RALYL: variants seen among roughly 807,000 people sequenced by gnomAD.
The protein encoded by RALYL is RNA-binding Raly-like protein.
RALYL carries 29 observed loss-of-function variants against 35.1 expected under a neutral mutation model. The observed-to-expected ratio is 0.83, with a 90% confidence interval of 0.61 to 1.13. The LOEUF is 1.13. Ranked by LOEUF, RALYL falls within the 50% of genes most tolerant of loss-of-function variation. The pLI, the probability that RALYL is intolerant of heterozygous loss-of-function variation, is 0.00. For synonymous variants in RALYL, 120 were observed against 127.6 expected (o/e 0.94, Z 0.40); for missense variants, 359 against 360.4 (o/e 1.00, Z 0.03).
intron 1 of RALYL, among the ~76,000 whole-genome samples, chr8:84,442,132 G>A (rs1007060625): frequency 1.1e-4 from 16 of 151,850 alleles, no homozygotes; most frequent in Non-Finnish European, 2.4e-4. Context: ...AATGCATTTG[G>A]GATGTTTGTT....
At chr8:84,580,795 G>C (rs890349700) in intron 2 of RALYL, among the ~76,000 whole-genome samples, 4 of 152,096 alleles carry the variant, frequency 2.6e-5, no homozygotes, top group Non-Finnish European at 5.9e-5. Context: ...AATTGTATTA[G>C]TGTAAAATCA....
intron 1 of RALYL, among the ~76,000 whole-genome samples, chr8:84,443,345 A>T (rs1383034770): frequency 2.0e-5 from 3 of 152,044 alleles, no homozygotes; most frequent in Non-Finnish European, 4.4e-5. Context: ...TACGTAAAAA[A>T]CTCCAAATGA....
intron 1 of RALYL, among the ~76,000 whole-genome samples, chr8:84,334,095 G>A (rs1847329078): frequency 1.3e-5 from 2 of 151,956 alleles, no homozygotes; most frequent in African/African-American, 4.8e-5. Context: ...TGTTGCCCAG[G>A]CTGGTCTCAA....
intron 2 of RALYL, among the ~76,000 whole-genome samples, chr8:84,559,714 C>T (rs1317204740): frequency 6.6e-6 from 1 of 151,914 alleles, no homozygotes; most frequent in African/African-American, 2.4e-5. Context: ...AAAGTGATAA[C>T]TTATTTCAGG....
At chr8:84,372,886 G>GTTTTTTTTGTTTTGTTTTGTT (rs1856064727) in intron 1 of RALYL, among the ~76,000 whole-genome samples, 5 of 39,064 alleles carry the variant, frequency 1.3e-4, no homozygotes, top group African/African-American at 4.4e-4. Context: ...GCCAGCATCT[G>GTTTTTTTTGTTTTGTTTTGTT]TTTTTTTTTT....
intron 1 of RALYL, among the ~76,000 whole-genome samples, chr8:84,476,258 A>T (rs367822995): frequency 6.6e-6 from 1 of 152,168 alleles, no homozygotes; most frequent in Non-Finnish European, 1.5e-5. Context: ...TATCCAATTC[A>T]TTATATCTAT....
At chr8:84,802,619 A>AAATC (rs1361028547) in intron 3 of RALYL, among the ~76,000 whole-genome samples, 3 of 152,220 alleles carry the variant, frequency 2.0e-5, no homozygotes, top group African/African-American at 4.8e-5. Context: ...AGAGAGAGAG[A>AAATC]AATCAATCAA....
chr8:84,475,446 T>C (rs1211309809), intron 1 of RALYL, among the ~76,000 whole-genome samples: 1 of 152,170 alleles, frequency 6.6e-6, no homozygotes, highest in Non-Finnish European at 1.5e-5. Flanking sequence ...TTAAACAACT[T>C]ATTTTTAGAG....
chr8:84,521,543 A>G (rs549220803), intron 1 of RALYL, among the ~76,000 whole-genome samples: 1 of 152,322 alleles, frequency 6.6e-6, no homozygotes, highest in East Asian at 1.9e-4. Flanking sequence ...ATGGTTCCTT[A>G]TAGAATAGAA....
At chr8:84,388,684 G>C (rs1460160664) in intron 1 of RALYL, among the ~76,000 whole-genome samples, 1 of 151,940 alleles carries the variant, frequency 6.6e-6, no homozygotes, top group Non-Finnish European at 1.5e-5. Flanking sequence ...TTTTTGATGG[G>C]GTTGTTTGTT....
At chr8:84,525,275 AACAG>A (rs1186147616) in intron 1 of RALYL, among the ~76,000 whole-genome samples, 2 of 152,102 alleles carry the variant, frequency 1.3e-5, no homozygotes, top group African/African-American at 2.4e-5. Context: ...CTAAATTAAA[AACAG>A]ACAGTTTGTT....
intron 1 of RALYL, among the ~76,000 whole-genome samples, chr8:84,311,696 A>G (rs1056011047): frequency 3.9e-5 from 6 of 152,320 alleles, no homozygotes; most frequent in South Asian, 4.1e-4. Flanking sequence ...ATAAGAAAAA[A>G]GAATAAATAA....
chr8:84,464,732 G>A (rs373621713), intron 1 of RALYL, among the ~76,000 whole-genome samples: 1 of 151,818 alleles, frequency 6.6e-6, no homozygotes, highest in Non-Finnish European at 1.5e-5. Flanking sequence ...TTCCACAATG[G>A]TTGAACTAGT....
At chr8:84,808,271 A>G (rs774883203) in intron 4 of RALYL, among the ~76,000 whole-genome samples, 2 of 151,946 alleles carry the variant, frequency 1.3e-5, no homozygotes, top group Non-Finnish European at 2.9e-5. Flanking sequence ...TCCTTTTCCC[A>G]CTTTATGTTT....
intron 4 of RALYL, chr8:84,828,965 A>C (rs1249283377): frequency 6.6e-6 from 1 of 151,874 alleles, no homozygotes; most frequent in African/African-American, 2.4e-5. Context: ...AAAAAAAAAA[A>C]CCCTAGGTTA....
intron 1 of RALYL, among the ~76,000 whole-genome samples, chr8:84,526,398 T>C (rs939642808): frequency 2.6e-5 from 4 of 152,176 alleles, no homozygotes; most frequent in African/African-American, 9.7e-5. Context: ...ATCTTTAATC[T>C]CCATTACTAA....
intron 1 of RALYL, among the ~76,000 whole-genome samples, chr8:84,455,660 C>G (rs2050054034): frequency 6.6e-6 from 1 of 151,948 alleles, no homozygotes; most frequent in Non-Finnish European, 1.5e-5. Flanking sequence ...ATCAAATGGG[C>G]AAAGCTCTCT....
intron 1 of RALYL, among the ~76,000 whole-genome samples, chr8:84,409,843 A>G (rs1040891712): frequency 6.6e-6 from 1 of 152,014 alleles, no homozygotes; most frequent in African/African-American, 2.4e-5. Context: ...TATGTGTTGC[A>G]TGAAGTTTTA....
chr8:84,899,768 C>T (rs1369171166), intron 8 of RALYL, among the ~76,000 whole-genome samples: 1 of 152,140 alleles, frequency 6.6e-6, no homozygotes, highest in East Asian at 1.9e-4. Context: ...GATAGAAATG[C>T]AAATTTGAAG....
Sources: gnomAD v4.1 joint callset for allele counts (sites outside exome capture counted in the v4.1 genomes callset) on GRCh38, gnomAD v4.1.1 for gene constraint, MANE v1.5 for transcripts, NCBI Gene and HGNC (gene_info 2026-07-23, HGNC 2026-07-21) for gene names.